ASRGL1: variants seen among roughly 807,000 people sequenced by gnomAD.
ASRGL1 encodes the protein isoaspartyl peptidase/L-asparaginase.
ASRGL1 carries 16 observed loss-of-function variants against 22.4 expected under a neutral mutation model. That is an observed-to-expected ratio of 0.71 (90% CI 0.48 to 1.08). The LOEUF (loss-of-function observed/expected upper bound fraction) is 1.08. ASRGL1 is among the 50% of genes least tolerant of loss of function. The pLI is 0.00. For missense variants in ASRGL1, 412 were observed against 410.1 expected (o/e 1.00, Z -0.04); for synonymous variants, 165 against 159.3 (o/e 1.04, Z -0.27).
chr11:62,377,322 A>G (rs1360157946), intron 4 of ASRGL1, among the ~76,000 whole-genome samples: 1 of 152,172 alleles, frequency 6.6e-6, no homozygotes, highest in Non-Finnish European at 1.5e-5. Context: ...GGTTTAACTG[A>G]TCATCCATGC....
At chr11:62,337,861 A>G in intron 1 of ASRGL1, 29 bp from the exon 2 acceptor site, 2 of 1,165,762 alleles carry the variant, frequency 1.7e-6, no homozygotes, top group Non-Finnish European at 2.4e-6. Context: ...CCAGCCGTTC[A>G]GAACAGAGAC....
intron 4 of ASRGL1, among the ~76,000 whole-genome samples, chr11:62,361,510 A>G (rs1487169461): frequency 6.6e-5 from 8 of 121,746 alleles, no homozygotes; most frequent in South Asian, 2.5e-4. Flanking sequence ...TTTTTTTGAG[A>G]CAGAATCTTG....
intron 2 of ASRGL1, 69 bp from the exon 3 acceptor site, chr11:62,356,256 C>A (rs540478631): frequency 1.1e-4 from 173 of 1,565,910 alleles, no homozygotes; most frequent in Admixed American, 2.2e-4. Context: ...GGGGGCTGAC[C>A]CCCCCACCTC....
At chr11:62,338,212 C>T (rs1465693515) in intron 2 of ASRGL1, 45 bp downstream of exon 2, 2 of 1,467,596 alleles carry the variant, frequency 1.4e-6, no homozygotes, top group East Asian at 2.4e-5. Context: ...TCAGGTCAAG[C>T]TCCTTCTTCA....
At chr11:62,356,272 C>G (rs1022159947) in intron 2 of ASRGL1, 53 bp from the exon 3 acceptor site, 1 of 1,598,394 alleles carries the variant, frequency 6.3e-7, no homozygotes, top group East Asian at 2.2e-5. Context: ...ACCTCCCTCC[C>G]GGACGGGGCG....
At chr11:62,399,417 G>A in the ASRGL1 span, among the ~76,000 whole-genome samples, 3 of 152,160 alleles carry the variant, frequency 2.0e-5, no homozygotes, top group Non-Finnish European at 2.9e-5. Context: ...TTGTTCTGCC[G>A]GGTGCCCCAC....
At chr11:62,389,333 C>G in intron 5 of ASRGL1, 82 bp downstream of exon 5, 1 of 1,285,216 alleles carries the variant, frequency 7.8e-7, no homozygotes. Flanking sequence ...CTGCCCCTCT[C>G]CGTTTCTTGC....
rs1170652589 is a variant in ASRGL1, at chr11:62,372,075, C to T, written c.491+14931C>T. The stretch of plus-strand genomic sequence containing the variant: ...GGGGTCCGGGTGCGGACAGTGGTCT[C>T]TGGCTCCTGTGCTGCACACAGCCTC... On this transcript the variant is annotated intron_variant, in intron 4 of 6. Coordinates refer to ENST00000415229, the MANE Select transcript of ASRGL1 (RefSeq NM_001083926.2). 3 of 764,004 alleles carry T rather than the reference C, an allele frequency of 3.9e-6. No homozygotes were observed. In the East Asian group the frequency reaches 7.6e-5, roughly 19 times the overall value. The allele number at this position is 764,004 out of a possible 1,614,324, so 47.3% of individuals were successfully genotyped here.
At chr11:62,394,348 A>G (rs1416604414), downstream of ASRGL1, among the ~76,000 whole-genome samples, 1 of 144,502 alleles carries the variant, frequency 6.9e-6, no homozygotes, top group East Asian at 1.9e-4. Flanking sequence ...AATATATATT[A>G]TATATAATAT....
At chr11:62,371,974 A>AAAT in intron 4 of ASRGL1, 1 of 611,562 alleles carries the variant, frequency 1.6e-6, no homozygotes, top group Non-Finnish European at 2.9e-6. Flanking sequence ...AAAAAAAAAA[A>AAAT]GTTCCTAAAC....
intron 6 of ASRGL1, 86 bp from the exon 7 acceptor site, chr11:62,391,993 A>G: frequency 2.7e-6 from 4 of 1,479,084 alleles, no homozygotes; most frequent in Non-Finnish European, 3.8e-6. Context: ...TTGCTAGCTC[A>G]CTTTGGCATT....
intron 2 of ASRGL1, among the ~76,000 whole-genome samples, chr11:62,349,087 G>A (rs1475420635): frequency 6.6e-6 from 1 of 152,024 alleles, no homozygotes; most frequent in East Asian, 1.9e-4. Context: ...TCCTGCCTCA[G>A]CCTCCTGAGT....
chr11:62,376,100 CAAAAAA>C (rs35931241), intron 4 of ASRGL1, among the ~76,000 whole-genome samples: 1 of 51,552 alleles, frequency 1.9e-5, no homozygotes, highest in Admixed American at 3.0e-4. Context: ...GACTCCATCT[CAAAAAA>C]AAAAAAAAAA....
At chr11:62,357,609 T>A (rs1946336037) in intron 4 of ASRGL1, among the ~76,000 whole-genome samples, 1 of 151,966 alleles carries the variant, frequency 6.6e-6, no homozygotes, top group African/African-American at 2.4e-5. Context: ...GTATCAGTTA[T>A]CTGGATTCTT....
chr11:62,345,817 T>C (rs1256843971), intron 2 of ASRGL1, among the ~76,000 whole-genome samples: 1 of 152,202 alleles, frequency 6.6e-6, no homozygotes, highest in African/African-American at 2.4e-5. Flanking sequence ...ACAGAGACTC[T>C]CGCAGGCACA....
At chr11:62,356,795 T>C (rs1049000101) in intron 3 of ASRGL1, among the ~76,000 whole-genome samples, 192 bp from the exon 4 acceptor site, 1 of 152,216 alleles carries the variant, frequency 6.6e-6, no homozygotes, top group African/African-American at 2.4e-5. Context: ...GTCCCATCAA[T>C]TGGGGTCTTT....
At chr11:62,372,862 T>A (rs1242730803) in intron 4 of ASRGL1, 6 of 1,603,158 alleles carry the variant, frequency 3.7e-6, no homozygotes, top group Middle Eastern at 2.0e-4. Context: ...GAATCTACCA[T>A]GTACCCAAAA....
intron 6 of ASRGL1, 28 bp from the exon 7 acceptor site, chr11:62,392,051 T>C (rs1947352115): frequency 6.2e-7 from 1 of 1,607,690 alleles, no homozygotes; most frequent in South Asian, 1.1e-5. Context: ...GTAATGTGTG[T>C]TGTTTCTCAA....
rs375915298 is a variant in ASRGL1 at position 62,389,208 on chromosome 11, C to T, written c.567C>T (p.Ile189=). The change falls in exon 5 of 7, where the codon ATC becomes ATT. Residue 189 remains isoleucine (I), a synonymous_variant. Transcript: ENST00000415229. ...CCTACGCAACCTCCACAGGCGGTAT[C>T]GTTAATAAAATGGTCGGCCGCGTTG... The part of the protein sequence containing the change: ...NVAYATSTGG[I]VNKMVGRVGD... 1.5e-5 allele frequency: 25 copies of T among 1,614,026 alleles called. No individual in the cohort carries two copies. The highest frequency in any genetic ancestry group is 5.3e-5 in the African/African-American group (4 of 74,900).
Sources: gnomAD v4.1 joint callset for allele counts (sites outside exome capture counted in the v4.1 genomes callset) on GRCh38, gnomAD v4.1.1 for gene constraint, MANE v1.5 for transcripts, NCBI Gene and HGNC (gene_info 2026-07-23, HGNC 2026-07-21) for gene names.